CFAP20DC: variants seen among roughly 807,000 people sequenced by gnomAD.
CFAP20DC encodes protein CFAP20DC.
A neutral mutation model predicts 101.7 loss-of-function variants in CFAP20DC; 84 were observed. That is an observed-to-expected ratio of 0.83 (90% confidence interval 0.69 to 0.99). The LOEUF (loss-of-function observed/expected upper bound fraction) is 0.99, where lower values mean the gene tolerates loss of function less well. Ranked by LOEUF, CFAP20DC falls within the 50% of genes least tolerant of loss-of-function variation. The pLI, the probability that CFAP20DC is intolerant of heterozygous loss-of-function variation, is 0.00. For missense variants in CFAP20DC, 1,007 were observed against 970.3 expected (o/e 1.04, Z -0.50); for synonymous variants, 359 against 351.2 (o/e 1.02, Z -0.25).
chr3:58,764,292 GC>G lies in CFAP20DC; in HGVS notation c.2238-10430del, dbSNP rs1292010237. ...TTGTAGTTTGATCTCAGACTGCTGT[GC>G]TAGCAATAAGCGAGGCTCCGTTGGT... On this transcript the variant is annotated intron_variant, in intron 15 of 16. Transcript: ENST00000482387. Among the ~76,000 whole-genome samples the G allele has an allele frequency of 3.9e-5, 6 of 152,304 alleles. No homozygotes were observed. In the South Asian group the frequency reaches 1.0e-3, roughly 26 times the overall value.
At chr3:59,012,983 A>G (rs2093618365) in intron 4 of CFAP20DC, among the ~76,000 whole-genome samples, 1 of 152,204 alleles carries the variant, frequency 6.6e-6, no homozygotes, top group Non-Finnish European at 1.5e-5. Flanking sequence ...CACTGTTTTA[A>G]AAGAACGCAT....
intron 15 of CFAP20DC, among the ~76,000 whole-genome samples, chr3:58,802,215 T>C (rs968318551): frequency 2.6e-5 from 4 of 152,234 alleles, no homozygotes; most frequent in African/African-American, 9.6e-5. Context: ...TAAATGTGCC[T>C]AAGGGACAGC....
intron 4 of CFAP20DC, among the ~76,000 whole-genome samples, chr3:58,967,853 C>T (rs1483852209): frequency 1.3e-5 from 2 of 152,136 alleles, no homozygotes; most frequent in African/African-American, 2.4e-5. Context: ...TGCTCCTCTC[C>T]CTCCTCCCAC....
At chr3:58,987,808 A>G (rs1046133411) in intron 4 of CFAP20DC, among the ~76,000 whole-genome samples, 2 of 151,982 alleles carry the variant, frequency 1.3e-5, no homozygotes, top group African/African-American at 4.8e-5. Context: ...AATACCTATA[A>G]CCATTAAAGA....
chr3:58,746,517 C>T (rs994906197), intron 16 of CFAP20DC, among the ~76,000 whole-genome samples: 6 of 152,140 alleles, frequency 3.9e-5, no homozygotes, highest in African/African-American at 9.7e-5. Context: ...ATTGTAATGG[C>T]CATGGGTCTT....
chr3:58,747,053 C>T (rs1303450242), intron 16 of CFAP20DC, among the ~76,000 whole-genome samples: 1 of 151,874 alleles, frequency 6.6e-6, no homozygotes, highest in Non-Finnish European at 1.5e-5. Flanking sequence ...CTAAATTGCT[C>T]TATTTAAAGA....
At chr3:59,029,788 G>A (rs1310538158) in intron 4 of CFAP20DC, among the ~76,000 whole-genome samples, 1 of 152,214 alleles carries the variant, frequency 6.6e-6, no homozygotes, top group Non-Finnish European at 1.5e-5. Flanking sequence ...GCAGGCAAAT[G>A]TGATGGTGGT....
At position 58,914,558 on chromosome 3, in the gene CFAP20DC, C is replaced by A. The variant is rs9855640; in HGVS notation, c.394-694G>T. On this transcript the variant is annotated intron_variant, in intron 5 of 16. Transcript: ENST00000482387. The surrounding 1 kb of genome is among the most constrained non-coding windows in gnomAD (Gnocchi z 4.9). ...CATATTTAAGACTGTAGGACAAAAG[C>A]CAGAAAAATAATTTTTGAAATGAAA... Among the ~76,000 whole-genome samples the A allele has an allele frequency of 4.2e-3, 642 of 151,738 alleles. 7 individuals are homozygous for A. The highest frequency in any genetic ancestry group is 0.015 in the African/African-American group (618 of 41,384).
chr3:58,725,188 A>T (rs2067531834), intron 3 of CFAP20DC, among the ~76,000 whole-genome samples: 1 of 152,136 alleles, frequency 6.6e-6, no homozygotes, highest in African/African-American at 2.4e-5. Flanking sequence ...ATGTGCAAGG[A>T]AGGCAGATCA....
At chr3:58,833,209 G>A (rs1156440672) in intron 13 of CFAP20DC, among the ~76,000 whole-genome samples, 1 of 152,122 alleles carries the variant, frequency 6.6e-6, no homozygotes, top group East Asian at 1.9e-4. Flanking sequence ...GTGATGTGGA[G>A]ACTTCCTAAA....
intron 4 of CFAP20DC, among the ~76,000 whole-genome samples, chr3:58,972,296 G>C (rs2091996440): frequency 6.6e-6 from 1 of 152,090 alleles, no homozygotes. Flanking sequence ...TGAGTACTTA[G>C]TTCAATATGA....
At chr3:58,987,621 T>A (rs1326610052) in intron 4 of CFAP20DC, among the ~76,000 whole-genome samples, 1 of 151,928 alleles carries the variant, frequency 6.6e-6, no homozygotes, top group Non-Finnish European at 1.5e-5. Context: ...AAATACAGTA[T>A]CAGCATTGTA....
chr3:58,867,678 T>G (rs1479234524), intron 10 of CFAP20DC, 139 bp downstream of exon 10: 1 of 1,030,110 alleles, frequency 9.7e-7, no homozygotes, highest in Non-Finnish European at 1.4e-6. Context: ...AAAATTTGAT[T>G]TCCATAATCC....
At chr3:58,887,234 A>G (rs2106649785) in intron 6 of CFAP20DC, 1 of 152,360 alleles carries the variant, frequency 6.6e-6, no homozygotes, top group Non-Finnish European at 1.5e-5. Flanking sequence ...ATCTATATAA[A>G]GTAACTGAGC....
chr3:58,866,740 A>T, intron 10 of CFAP20DC, 52 bp from the exon 11 acceptor site: 1 of 1,231,742 alleles, frequency 8.1e-7, no homozygotes, highest in Non-Finnish European at 1.2e-6. Flanking sequence ...AATTTATAAA[A>T]AGTAATTTTA....
At chr3:58,761,724 C>A (rs1399864417) in intron 15 of CFAP20DC, among the ~76,000 whole-genome samples, 2 of 152,176 alleles carry the variant, frequency 1.3e-5, no homozygotes, top group African/African-American at 4.8e-5. Context: ...CCCAGAGATT[C>A]TGGTATGTTG....
At chr3:58,854,616 T>A (rs1405963504) in intron 12 of CFAP20DC, among the ~76,000 whole-genome samples, 1 of 152,148 alleles carries the variant, frequency 6.6e-6, no homozygotes, top group Non-Finnish European at 1.5e-5. Context: ...CAAAACAGCA[T>A]GGTACTGGTA....
At chr3:58,845,577 C>G (rs966657321) in intron 13 of CFAP20DC, among the ~76,000 whole-genome samples, 1 of 152,000 alleles carries the variant, frequency 6.6e-6, no homozygotes, top group African/African-American at 2.4e-5. Context: ...CGAATTCTAC[C>G]AGAGGTACAA....
Position 58,849,312 on chromosome 3 carries a change from C to G in CFAP20DC, c.1691G>C (p.Arg564Pro). The change falls in exon 13 of 17, where the codon CGG (arginine) becomes CCG (proline). Residue 564 changes from arginine (R) to proline (P), a missense_variant. Transcript: ENST00000482387. Reference sequence around the variant, plus strand: ...GCTCCTTAGATATTCCTTACTTGTCCGCTTTGCAGCCTTCCCCAGCAGGCT... The same window carrying G: ...GCTCCTTAGATATTCCTTACTTGTCGGCTTTGCAGCCTTCCCCAGCAGGCT... ...LESLLGKAAK[R>P]TSKEYLRSAY... 3 of 1,536,072 alleles carry G rather than the reference C, an allele frequency of 2.0e-6. No homozygotes were observed. The highest frequency in any genetic ancestry group is 2.6e-6 in the Non-Finnish European group (3 of 1,146,894).
Sources: gnomAD v4.1 joint callset for allele counts (sites outside exome capture counted in the v4.1 genomes callset) on GRCh38, gnomAD v4.1.1 for gene constraint, Gnocchi (gnomAD v3.1) non-coding constraint, MANE v1.5 for transcripts, NCBI Gene and HGNC (gene_info 2026-07-23, HGNC 2026-07-21) for gene names.